Variants in BOP1 observed in about 807,000 individuals in gnomAD.
BOP1 encodes the protein ribosome biogenesis protein BOP1.
BOP1 carries 54 observed loss-of-function variants against 82.9 expected under a neutral mutation model. The ratio of observed to expected loss-of-function variants is 0.65; its 90% CI spans 0.52 to 0.82. The LOEUF is 0.82. Among genes scored for constraint, BOP1 ranks in the 40% least tolerant of loss-of-function variants. The pLI is 0.00. For missense variants in BOP1, 1,170 were observed against 1,072.0 expected (o/e 1.09, Z -1.28); for synonymous variants, 566 against 451.1 (o/e 1.25, Z -3.23).
intron 1 of BOP1, 47 bp from the exon 2 acceptor site, chr8:144,289,351 G>A: frequency 6.3e-7 from 1 of 1,588,310 alleles, no homozygotes; most frequent in Non-Finnish European, 8.6e-7. Flanking sequence ...CCAGGCATGG[G>A]GCACTGAACA....
intron 3 of BOP1, chr8:144,268,278 C>T (rs977627678): frequency 6.2e-5 from 79 of 1,284,000 alleles, no homozygotes; most frequent in Admixed American, 3.7e-4. Context: ...GCCCTGGCTG[C>T]GAGCGGGGCC....
At chr8:144,269,052 G>A (rs994654512) in intron 3 of BOP1, among the ~76,000 whole-genome samples, 12 of 152,192 alleles carry the variant, frequency 7.9e-5, no homozygotes, top group Non-Finnish European at 1.6e-4. Context: ...GCCCCTGGAA[G>A]CACTGCCCAC....
chr8:144,289,299 G>T lies in BOP1; in HGVS notation c.105C>A (p.Pro35=), dbSNP rs782597888. The T allele has an allele frequency of 2.5e-5, 41 of 1,613,574 alleles. No individual in the cohort carries two copies. Among genetic ancestry groups the T allele is most frequent in the African/African-American group, 1.3e-4 (10 of 74,886 alleles). ...GGCTGAGAGGAGAGGTGCAGAGGAG[G>T]GGGGGCTGCAAGGAAACACTGGGTT... is the stretch of plus-strand genomic sequence containing the variant. The part of the protein sequence containing the change: ...ELEPEPEPEP[P]LLCTSPLSHS... The change falls in exon 2 of 16, where the codon CCC becomes CCA. Residue 35 remains proline (P), a synonymous_variant. Transcript: ENST00000569669.
Position 144,281,143 on chromosome 8 carries a change from CT to C in BOP1, c.310-4840del. 1.5e-5 allele frequency among the ~76,000 whole-genome samples: 2 copies of C among 130,510 alleles called. 1 individual carries two copies. Among genetic ancestry groups the C allele is most frequent in the South Asian group, 6.0e-4 (2 of 3,360 alleles). The allele number at this position is 130,510 out of a possible 152,430, so 85.6% of individuals were successfully genotyped here. A position where few individuals can be genotyped will look rare whatever the true frequency, so the allele number is the denominator to read the frequency against. On this transcript the variant is annotated intron_variant, in intron 2 of 15. Transcript: ENST00000569669. Reference sequence around the variant, plus strand: ...AGTTTAATACCAGGTCTTAGGCCTTCTCTCAGTTTAATACCAGGTCTTCGGC... The same window carrying C: ...AGTTTAATACCAGGTCTTAGGCCTTCCTCAGTTTAATACCAGGTCTTCGGC...
At chr8:144,272,729 C>T (rs896005184) in intron 3 of BOP1, among the ~76,000 whole-genome samples, 4 of 152,144 alleles carry the variant, frequency 2.6e-5, no homozygotes, top group African/African-American at 7.2e-5. Context: ...CTGCTTCATC[C>T]GAGAGCCCAG....
chr8:144,266,695 C>A, intron 3 of BOP1: 1 of 1,232,572 alleles, frequency 8.1e-7, no homozygotes, highest in Non-Finnish European at 1.0e-6. Context: ...GGACGAGGAC[C>A]GCGGCAGCGA....
intron 3 of BOP1, among the ~76,000 whole-genome samples, chr8:144,267,509 T>C (rs1382326455): frequency 6.6e-6 from 1 of 152,174 alleles, no homozygotes; most frequent in East Asian, 1.9e-4. Context: ...TTTCAGTAAG[T>C]TGAAAGGCGG....
chr8:144,269,733 C>T (rs951764773), intron 3 of BOP1, among the ~76,000 whole-genome samples: 3 of 152,198 alleles, frequency 2.0e-5, no homozygotes, highest in Middle Eastern at 3.2e-3. Flanking sequence ...AGCCTCCGCC[C>T]GCCGGGAAGC....
intron 2 of BOP1, among the ~76,000 whole-genome samples, chr8:144,279,566 G>A (rs1166018620): frequency 6.6e-6 from 1 of 152,224 alleles, no homozygotes; most frequent in Admixed American, 6.5e-5. Context: ...ATGAGGTTCT[G>A]GGGAGCGCTG....
intron 3 of BOP1, among the ~76,000 whole-genome samples, chr8:144,275,129 TC>T (rs1198068135): frequency 6.6e-6 from 1 of 151,516 alleles, no homozygotes; most frequent in Non-Finnish European, 1.5e-5. Flanking sequence ...GGCGCGTGTC[TC>T]CCCCAGGCCC....
chr8:144,270,687 C>T (rs1367139385), intron 3 of BOP1, among the ~76,000 whole-genome samples: 3 of 152,172 alleles, frequency 2.0e-5, no homozygotes, highest in African/African-American at 7.2e-5. Context: ...CGGCAGCCCA[C>T]CCGAATCCAC....
At chr8:144,277,512 G>T (rs1487775408) in intron 2 of BOP1, among the ~76,000 whole-genome samples, 2 of 152,272 alleles carry the variant, frequency 1.3e-5, no homozygotes, top group African/African-American at 4.8e-5. Context: ...CACAGTGGCC[G>T]GGGCTGAAGC....
rs931722415 is a variant in BOP1, at chr8:144,273,582, C to T, written c.390+2642G>A. 3.3e-5 allele frequency among the ~76,000 whole-genome samples: 5 copies of T among 152,370 alleles called. No homozygotes were observed. The East Asian group carries it at 7.7e-4, about 23-fold the overall frequency. On this transcript the variant is annotated intron_variant, in intron 3 of 15. Coordinates refer to ENST00000569669, the MANE Select transcript of BOP1 (RefSeq NM_015201.5). ...TGCATCCTCTGCCTGAGCAGCCACC[C>T]GGCCTCAGTTTCTCCCAACCGCTCA... is the stretch of plus-strand genomic sequence containing the variant.
At position 144,291,107 on chromosome 8, in the gene BOP1, C is replaced by T. The variant is rs1483954500; in HGVS notation, c.99+165G>A. Among the ~76,000 whole-genome samples, 1 of 151,944 alleles carries T rather than the reference C, an allele frequency of 6.6e-6. No individual in the cohort carries two copies. Among genetic ancestry groups the T allele is most frequent in the Non-Finnish European group, 1.5e-5 (1 of 67,924 alleles). On this transcript the variant is annotated intron_variant, in intron 1 of 15. Transcript: ENST00000569669. This position sits in a 1 kb window ranked among gnomAD's most constrained non-coding sequence, Gnocchi z 4.1. The stretch of plus-strand genomic sequence containing the variant: ...ACGCCGTCCTTTACCCCGCAGTCCG[C>T]TCTGCCTGAGACCCCCCGATAGAGG...
rs60868806 is a variant in BOP1 at position 144,283,201 on chromosome 8, C to CAAAAAAAAAAAAAAAAAAAAAA, written c.309+5872_309+5893dup. ...CGATAAGAGCAAAAAAACTCCATCTCAAAAAAAAAAAAAAAAAAAAAAAAG... is the reference window on the plus strand; with the variant it reads ...CGATAAGAGCAAAAAAACTCCATCTCAAAAAAAAAAAAAAAAAAAAAAAAAAAAAAAAAAAAAAAAAAAAAAG... On this transcript the variant is annotated intron_variant, in intron 2 of 15. Coordinates refer to ENST00000569669, the MANE Select transcript of BOP1 (RefSeq NM_015201.5). 1.6e-3 allele frequency among the ~76,000 whole-genome samples: 86 copies of CAAAAAAAAAAAAAAAAAAAAAA among 54,322 alleles called. 1 individual carries two copies. The highest frequency in any genetic ancestry group is 4.5e-3 in the South Asian group (5 of 1,118). The allele number at this position is 54,322 out of a possible 152,430, so 35.6% of individuals were successfully genotyped here. A position where few individuals can be genotyped will look rare whatever the true frequency, so the allele number is the denominator to read the frequency against.
chr8:144,266,719 G>T, intron 3 of BOP1: 1 of 1,196,074 alleles, frequency 8.4e-7, no homozygotes, highest in Non-Finnish European at 1.1e-6. Context: ...CTCGGGCTCC[G>T]ACGAGAAACC....
At chr8:144,276,808 G>A (rs1157056522) in intron 2 of BOP1, among the ~76,000 whole-genome samples, 3 of 152,156 alleles carry the variant, frequency 2.0e-5, no homozygotes, top group East Asian at 3.9e-4. Flanking sequence ...TTGAAGGGGC[G>A]GGGGACACAC....
chr8:144,284,749 T>A (rs1179634171), intron 2 of BOP1, among the ~76,000 whole-genome samples: 3 of 152,106 alleles, frequency 2.0e-5, no homozygotes, highest in Admixed American at 2.0e-4. Context: ...GTGCAGCTGC[T>A]CACTGAATGC....
At chr8:144,272,174 C>T (rs1247152378) in intron 3 of BOP1, among the ~76,000 whole-genome samples, 2 of 152,068 alleles carry the variant, frequency 1.3e-5, no homozygotes, top group East Asian at 1.9e-4. Context: ...CACCCCCCAC[C>T]GACACCCACC....
Sources: allele counts gnomAD v4.1 joint callset (sites outside exome capture counted in the v4.1 genomes callset), GRCh38; gene constraint gnomAD v4.1.1; non-coding constraint Gnocchi (gnomAD v3.1); transcripts MANE v1.5; gene names NCBI Gene and HGNC (gene_info 2026-07-23, HGNC 2026-07-21).